The following ADCY8 variants were observed in gnomAD, a reference collection of about 807,000 sequenced individuals.
ADCY8 encodes adenylate cyclase 8, also known as adenylate cyclase type 8.
Under a neutral mutation model 119.7 loss-of-function variants are expected in ADCY8, and 51 were observed. The ratio of observed to expected loss-of-function variants is 0.43; its 90% CI spans 0.34 to 0.54. The LOEUF (loss-of-function observed/expected upper bound fraction) is 0.54, where lower values mean the gene tolerates loss of function less well. Ranked by LOEUF, ADCY8 falls within the 20% of genes least tolerant of loss-of-function variation. The pLI is 0.03. For missense variants in ADCY8, 1,383 were observed against 1,598.8 expected, an observed-to-expected ratio of 0.87 and a Z score of 2.30; for synonymous variants, 665 against 651.0, an observed-to-expected ratio of 1.02 and a Z score of -0.33.
chr8:131,005,466 T>C (rs1411185), intron 1 of ADCY8, among the ~76,000 whole-genome samples: 13,907 of 152,188 alleles, frequency 0.091, 1,932 homozygotes, highest in African/African-American at 0.29. Flanking sequence ...TCCAGGCTTC[T>C]AGTCACACAG....
chr8:130,976,938 A>G (rs1015981911), intron 2 of ADCY8, among the ~76,000 whole-genome samples: 1 of 152,210 alleles, frequency 6.6e-6, no homozygotes, highest in Non-Finnish European at 1.5e-5. Flanking sequence ...TTTACAAGTG[A>G]GGAGACTGAA....
At chr8:130,793,499 G>T (rs1480826066) in intron 15 of ADCY8, among the ~76,000 whole-genome samples, 1 of 152,036 alleles carries the variant, frequency 6.6e-6, no homozygotes, top group African/African-American at 2.4e-5. Flanking sequence ...CTTTTTGATT[G>T]TTCTTCACCC....
At chr8:130,895,339 G>A (rs1819350304) in intron 7 of ADCY8, among the ~76,000 whole-genome samples, 1 of 152,084 alleles carries the variant, frequency 6.6e-6, no homozygotes, top group South Asian at 2.1e-4. Context: ...AGTAACCGTG[G>A]CTGCATGATG....
intron 12 of ADCY8, among the ~76,000 whole-genome samples, chr8:130,826,702 C>T (rs919858980): frequency 6.7e-6 from 1 of 150,290 alleles, no homozygotes; most frequent in Non-Finnish European, 1.5e-5. Flanking sequence ...AGCCCCTACA[C>T]ATGCTGTTAG....
Position 131,039,705 on chromosome 8 carries a change from G to C in ADCY8, c.629C>G (p.Pro210Arg), listed in dbSNP as rs776939154. ...HLSLASAPMDPLKGILLGFFT... is the reference protein window; with the variant it reads ...HLSLASAPMDRLKGILLGFFT... ...GAAGCCCAGCAGGATGCCCTTGAGC[G>C]GGTCCATGGGGGCCGAGGCCAGGCT... Residue 210 changes from proline to arginine, a missense_variant, in exon 1 of 18, where the codon CCG (proline) becomes CGG (arginine). By Grantham distance (103) the Pro-to-Arg change is moderately radical. This residue lies in a region of ADCY8 where 455 missense variants were observed against 435.3 expected (regional missense o/e 1.05). Coordinates refer to ENST00000286355, the MANE Select transcript of ADCY8 (RefSeq NM_001115.3). 6.2e-7 allele frequency: 1 copy of C among 1,614,122 alleles called. No individual in the cohort carries two copies. Among genetic ancestry groups the C allele is most frequent in the Non-Finnish European group, 8.5e-7 (1 of 1,180,022 alleles).
At chr8:130,909,675 G>T in intron 6 of ADCY8, 33 bp downstream of exon 6, 2 of 1,612,940 alleles carry the variant, frequency 1.2e-6, no homozygotes, top group Non-Finnish European at 1.7e-6. Context: ...AATGACAACC[G>T]TTAAGCATGA....
intron 1 of ADCY8, among the ~76,000 whole-genome samples, chr8:131,015,459 A>T (rs1823442589): frequency 6.6e-6 from 1 of 152,198 alleles, no homozygotes; most frequent in Non-Finnish European, 1.5e-5. Flanking sequence ...ATTATCAACA[A>T]ACATTTGCAG....
intron 15 of ADCY8, among the ~76,000 whole-genome samples, chr8:130,794,402 G>T (rs1403809417): frequency 2.6e-5 from 4 of 152,164 alleles, no homozygotes; most frequent in Non-Finnish European, 4.4e-5. Flanking sequence ...CCACCAGCAC[G>T]CCTGGCTCAT....
intron 11 of ADCY8, among the ~76,000 whole-genome samples, 198 bp from the exon 12 acceptor site, chr8:130,836,647 T>C (rs1348017902): frequency 1.3e-5 from 2 of 152,192 alleles, no homozygotes; most frequent in Non-Finnish European, 2.9e-5. Flanking sequence ...ATGGCATCAC[T>C]ATTCATAGCA....
chr8:130,822,817 T>G (rs1808639636), intron 12 of ADCY8, among the ~76,000 whole-genome samples: 1 of 152,210 alleles, frequency 6.6e-6, no homozygotes. Context: ...ATTTAACATC[T>G]CTGAGCCTCA....
intron 8 of ADCY8, among the ~76,000 whole-genome samples, chr8:130,883,055 A>G (rs1011023384): frequency 6.6e-6 from 1 of 152,222 alleles, no homozygotes; most frequent in Non-Finnish European, 1.5e-5. Flanking sequence ...TTCCCTGGTC[A>G]CAGAAATCAA....
chr8:130,811,677 C>A (rs895049677), intron 14 of ADCY8, among the ~76,000 whole-genome samples: 1 of 152,222 alleles, frequency 6.6e-6, no homozygotes, highest in Non-Finnish European at 1.5e-5. Flanking sequence ...TCCAGTTCAT[C>A]CACAGGCATT....
intron 2 of ADCY8, among the ~76,000 whole-genome samples, chr8:130,964,935 C>A (rs1364502517): frequency 1.3e-5 from 2 of 152,134 alleles, no homozygotes; most frequent in Non-Finnish European, 2.9e-5. Flanking sequence ...TGATGCTGAG[C>A]ATTTTTTCAT....
chr8:130,977,587 C>T (rs1178999770), intron 2 of ADCY8, among the ~76,000 whole-genome samples: 3 of 152,166 alleles, frequency 2.0e-5, no homozygotes, highest in African/African-American at 7.2e-5. Flanking sequence ...TGGACTACAC[C>T]ACTGCCAGTG....
chr8:131,018,789 A>C (rs1823560168), intron 1 of ADCY8, among the ~76,000 whole-genome samples: 1 of 152,238 alleles, frequency 6.6e-6, no homozygotes, highest in African/African-American at 2.4e-5. Flanking sequence ...CTGTCTCCAC[A>C]GCATGTGTTC....
At chr8:130,897,056 C>T (rs922742744) in intron 7 of ADCY8, among the ~76,000 whole-genome samples, 11 of 152,086 alleles carry the variant, frequency 7.2e-5, no homozygotes, top group African/African-American at 2.7e-4. Flanking sequence ...AGCAACTGGA[C>T]AAATCTGACT....
At chr8:130,841,988 A>G (rs263257) in intron 11 of ADCY8, among the ~76,000 whole-genome samples, 93,024 of 151,930 alleles carry the variant, frequency 0.61, 28,581 homozygotes, top group South Asian at 0.72. Flanking sequence ...GACCACCACA[A>G]GGTGATGGGA....
chr8:130,869,996 C>G (rs1255409205), intron 8 of ADCY8, among the ~76,000 whole-genome samples: 1 of 147,160 alleles, frequency 6.8e-6, no homozygotes. Context: ...CTCCTCCTCT[C>G]CTCTTCCTCT....
At chr8:130,942,572 G>A (rs1586591718) in intron 4 of ADCY8, among the ~76,000 whole-genome samples, 1 of 152,280 alleles carries the variant, frequency 6.6e-6, no homozygotes, top group East Asian at 1.9e-4. Context: ...ATAGAGTGAG[G>A]CAGCCTTAAC....
Sources: allele counts gnomAD v4.1 joint callset (sites outside exome capture counted in the v4.1 genomes callset), GRCh38; gene constraint gnomAD v4.1.1; regional missense constraint gnomAD v4.1.1; transcripts MANE v1.5; gene names NCBI Gene and HGNC (gene_info 2026-07-23, HGNC 2026-07-21).